Variants in SHANK2 observed in about 807,000 individuals in gnomAD.
SHANK2 encodes SH3 and multiple ankyrin repeat domains protein 2.
In SHANK2, 43 loss-of-function variants were observed where a neutral mutation model predicts 133.7. That is an observed-to-expected ratio of 0.32 (90% CI 0.25 to 0.41). The LOEUF (loss-of-function observed/expected upper bound fraction) is 0.41. Ranked by LOEUF, SHANK2 falls within the 10% of genes least tolerant of loss-of-function variation. SHANK2 has a pLI of 1.00. For synonymous variants in SHANK2, 1,017 were observed against 952.8 expected (o/e 1.07, Z -1.24); for missense variants, 1,994 against 2,235.8 (o/e 0.89, Z 2.18).
intron 14 of SHANK2, among the ~76,000 whole-genome samples, chr11:70,781,030 A>T (rs1432104418): frequency 6.6e-6 from 1 of 151,900 alleles, no homozygotes; most frequent in African/African-American, 2.4e-5. Flanking sequence ...TCCGGTTCTC[A>T]CCTTCTCTGG....
At chr11:71,234,428 G>A (rs1954798212) in intron 1 of SHANK2, among the ~76,000 whole-genome samples, 1 of 151,262 alleles carries the variant, frequency 6.6e-6, no homozygotes, top group African/African-American at 2.5e-5. Context: ...GCCTGCAGAT[G>A]CACCTCTATT....
At chr11:70,900,684 T>C (rs1950010979) in intron 10 of SHANK2, among the ~76,000 whole-genome samples, 1 of 152,214 alleles carries the variant, frequency 6.6e-6, no homozygotes, top group South Asian at 2.1e-4. Context: ...TTACTTGTGA[T>C]AATTGCCTGA....
At position 71,074,825 on chromosome 11, in the gene SHANK2, G is replaced by A. The variant is rs895388930; in HGVS notation, c.1029+334C>T. 1.4e-3 allele frequency among the ~76,000 whole-genome samples: 200 copies of A among 145,538 alleles called. 1 individual carries two copies. The highest frequency in any genetic ancestry group is 4.9e-3 in the African/African-American group (193 of 39,522). On this transcript the variant is annotated intron_variant, in intron 9 of 25. Coordinates refer to ENST00000601538, the MANE Select transcript of SHANK2 (RefSeq NM_012309.5). The stretch of plus-strand genomic sequence containing the variant: ...GACGGAGTCTCGCTCTGTAGCCCAG[G>A]CTGGAGTGCAGTGGCACGGTCTCGG...
intron 2 of SHANK2, among the ~76,000 whole-genome samples, chr11:71,216,965 G>A (rs532530803): frequency 1.3e-5 from 2 of 152,318 alleles, no homozygotes; most frequent in African/African-American, 4.8e-5. Context: ...GGGAGGCTGA[G>A]GTGGGAGGAT....
Position 70,472,571 on chromosome 11 carries a change from G to A in SHANK2, c.*298C>T, listed in dbSNP as rs782178625. 18 of 449,270 alleles carry A rather than the reference G, an allele frequency of 4.0e-5. No homozygotes were observed. The highest frequency in any genetic ancestry group is 6.2e-5 in the Non-Finnish European group (15 of 243,094). 27.8% of individuals were successfully genotyped at this position (449,270 alleles called of 1,614,324 possible). A position where few individuals can be genotyped will look rare whatever the true frequency, so the allele number is the denominator to read the frequency against. On this transcript the variant is annotated 3_prime_UTR_variant, in exon 26 of 26. Coordinates refer to ENST00000601538, the MANE Select transcript of SHANK2 (RefSeq NM_012309.5). The surrounding 1 kb of genome is among the most constrained non-coding windows in gnomAD (Gnocchi z 4.4). Reference sequence around the variant, plus strand: ...AATTGACGGGGAGCCTCTCGGACCCGGCAAAGCGAGGCCACCTGCATGCTG... The same window carrying A: ...AATTGACGGGGAGCCTCTCGGACCCAGCAAAGCGAGGCCACCTGCATGCTG...
intron 17 of SHANK2, among the ~76,000 whole-genome samples, chr11:70,553,056 T>C (rs1362295672): frequency 2.0e-5 from 3 of 152,106 alleles, no homozygotes; most frequent in Non-Finnish European, 2.9e-5. Flanking sequence ...TGATATCGGA[T>C]TAAGGCCCCC....
In SHANK2 at chr11:70,806,147, C is replaced by T. The variant is rs185322959; in HGVS notation, c.1663+855G>A. Among the ~76,000 whole-genome samples the T allele has an allele frequency of 1.4e-3, 217 of 152,338 alleles. 3 individuals carry two copies. The highest frequency in any genetic ancestry group is 4.9e-3 in the African/African-American group (202 of 41,580). ...ACCGGGCCTACTGACCTCTAAGGGC[C>T]GCACCTTCCACCCATGCCACTCCAA... On this transcript the variant is annotated intron_variant, in intron 13 of 25. Coordinates refer to ENST00000601538, the MANE Select transcript of SHANK2 (RefSeq NM_012309.5).
chr11:70,568,248 G>A (rs1554982297), intron 17 of SHANK2, among the ~76,000 whole-genome samples: 1 of 152,204 alleles, frequency 6.6e-6, no homozygotes, highest in East Asian at 1.9e-4. Context: ...ATCCTTCGAG[G>A]GGCGGCGCCG....
At chr11:70,644,483 C>T (rs1055833191) in intron 17 of SHANK2, among the ~76,000 whole-genome samples, 1 of 152,202 alleles carries the variant, frequency 6.6e-6, no homozygotes, top group Non-Finnish European at 1.5e-5. Context: ...CATCTGCTTC[C>T]CGATGGGTCC....
intron 2 of SHANK2, among the ~76,000 whole-genome samples, chr11:71,221,535 C>T (rs2135730614): frequency 6.6e-6 from 1 of 152,300 alleles, no homozygotes; most frequent in African/African-American, 2.4e-5. Context: ...CTGATTACAC[C>T]CACAAGTGGA....
chr11:70,565,524 G>T (rs1554981730), intron 17 of SHANK2, among the ~76,000 whole-genome samples: 1 of 152,194 alleles, frequency 6.6e-6, no homozygotes, highest in Non-Finnish European at 1.5e-5. Context: ...GGGATTACAG[G>T]CGTGAGCCAC....
At chr11:70,795,132 C>T (rs554479028) in intron 14 of SHANK2, among the ~76,000 whole-genome samples, 3 of 152,136 alleles carry the variant, frequency 2.0e-5, no homozygotes, top group Non-Finnish European at 4.4e-5. Context: ...TCCCAGGTCA[C>T]AGAGATGCCT....
intron 10 of SHANK2, among the ~76,000 whole-genome samples, chr11:70,906,298 C>T (rs1048079034): frequency 6.6e-6 from 1 of 152,214 alleles, no homozygotes; most frequent in African/African-American, 2.4e-5. Flanking sequence ...GCGGGACTGT[C>T]GCCTTTGAGT....
intron 11 of SHANK2, among the ~76,000 whole-genome samples, chr11:70,871,841 T>A (rs1949470407): frequency 6.6e-6 from 1 of 152,168 alleles, no homozygotes; most frequent in Admixed American, 6.5e-5. Flanking sequence ...GAGATTTCCA[T>A]ATACGATTTC....
chr11:71,172,680 T>C (rs1953343456), intron 2 of SHANK2, among the ~76,000 whole-genome samples: 1 of 151,958 alleles, frequency 6.6e-6, no homozygotes, highest in South Asian at 2.1e-4. Flanking sequence ...CAATGGCCTC[T>C]TGGGAAATGA....
At chr11:70,672,790 C>A (rs1316754142) in intron 15 of SHANK2, among the ~76,000 whole-genome samples, 1 of 152,232 alleles carries the variant, frequency 6.6e-6, no homozygotes, top group Non-Finnish European at 1.5e-5. Flanking sequence ...ACGGTTCTGC[C>A]CACCACACTC....
chr11:70,856,958 G>A (rs560360329), intron 11 of SHANK2, among the ~76,000 whole-genome samples: 26 of 152,272 alleles, frequency 1.7e-4, no homozygotes, highest in African/African-American at 4.6e-4. Flanking sequence ...TGTCTACCTC[G>A]TCTCTATCCT....
intron 9 of SHANK2, among the ~76,000 whole-genome samples, chr11:71,066,496 G>A (rs1213050843): frequency 6.6e-6 from 1 of 152,122 alleles, no homozygotes; most frequent in African/African-American, 2.4e-5. Flanking sequence ...GAAGGCAGAG[G>A]TCAAAAGTAG....
intron 14 of SHANK2, among the ~76,000 whole-genome samples, chr11:70,712,959 C>T (rs576895922): frequency 2.4e-4 from 36 of 152,248 alleles, no homozygotes; most frequent in Non-Finnish European, 3.4e-4. Flanking sequence ...GTGTGTCATC[C>T]GCCCTGCTCC....
Sources: allele counts gnomAD v4.1 joint callset (sites outside exome capture counted in the v4.1 genomes callset), GRCh38; gene constraint gnomAD v4.1.1; non-coding constraint Gnocchi (gnomAD v3.1); transcripts MANE v1.5; gene names NCBI Gene and HGNC (gene_info 2026-07-23, HGNC 2026-07-21).